Variants in FAM20B observed in about 807,000 individuals in gnomAD.
The protein encoded by FAM20B is glycosaminoglycan xylosylkinase.
FAM20B carries 23 observed loss-of-function variants against 43.8 expected under a neutral mutation model. That is an observed-to-expected ratio of 0.53 (90% CI 0.38 to 0.74). FAM20B has a LOEUF of 0.74. Ranked by LOEUF, FAM20B falls within the 30% of genes least tolerant of loss-of-function variation. The pLI is 0.00. For synonymous variants in FAM20B, 178 were observed against 192.4 expected (o/e 0.93, Z 0.62); for missense variants, 440 against 510.5 (o/e 0.86, Z 1.33).
At chr1:179,041,109 A>G (rs1280513489) in intron 1 of FAM20B, among the ~76,000 whole-genome samples, 3 of 127,416 alleles carry the variant, frequency 2.4e-5, no homozygotes, top group Non-Finnish European at 4.7e-5. Context: ...GCGGCCGGGA[A>G]GAGGCGCTCC....
intron 2 of FAM20B, among the ~76,000 whole-genome samples, chr1:179,047,562 T>C (rs1650827626): frequency 6.6e-6 from 1 of 152,230 alleles, no homozygotes; most frequent in African/African-American, 2.4e-5. Context: ...GGGCACTCTC[T>C]TCTCCAACTC....
chr1:179,045,622 GGGCTGGGCGTGAT>G (rs1650732042), intron 2 of FAM20B, among the ~76,000 whole-genome samples: 1 of 152,152 alleles, frequency 6.6e-6, no homozygotes, highest in Non-Finnish European at 1.5e-5. Context: ...AATTTGACTG[GGGCTGGGCGTGAT>G]GGCTCATGCC....
At chr1:179,034,764 C>A (rs1054342829) in intron 1 of FAM20B, among the ~76,000 whole-genome samples, 2 of 152,128 alleles carry the variant, frequency 1.3e-5, no homozygotes, top group African/African-American at 2.4e-5. Context: ...GAAATCCTAC[C>A]CCTTTGCCTC....
chr1:179,020,985 C>T (rs1333025426), upstream of FAM20B, among the ~76,000 whole-genome samples: 4 of 152,186 alleles, frequency 2.6e-5, no homozygotes, highest in South Asian at 2.1e-4. Context: ...GCAGGAGAAT[C>T]GCTTGAACTC....
intron 1 of FAM20B, among the ~76,000 whole-genome samples, chr1:179,037,221 A>C (rs769965003): frequency 6.6e-6 from 1 of 152,192 alleles, no homozygotes; most frequent in East Asian, 1.9e-4. Context: ...TCTGTGGTCC[A>C]AAAGAAGGTG....
At chr1:179,017,691 G>A in the FAM20B span, among the ~76,000 whole-genome samples, 4 of 152,176 alleles carry the variant, frequency 2.6e-5, no homozygotes, top group Non-Finnish European at 5.9e-5. Flanking sequence ...GTGGGCTAGA[G>A]TCAGATAGGG....
intron 7 of FAM20B, among the ~76,000 whole-genome samples, chr1:179,070,991 G>A (rs942374054): frequency 2.6e-5 from 4 of 151,640 alleles, no homozygotes; most frequent in Non-Finnish European, 5.9e-5. Flanking sequence ...AGGCAGATAG[G>A]TATCCTTAAA....
rs1652053156 is a variant in FAM20B, at chr1:179,074,343, T to G, written c.*2199T>G. ...ACAGCTCAGTATGAGAATACCTTGG[T>G]TAGTGCTCACCCACAAGCTTCCAGG... is the stretch of plus-strand genomic sequence containing the variant. On this transcript the variant is annotated 3_prime_UTR_variant, in exon 8 of 8. Coordinates refer to ENST00000263733, the MANE Select transcript of FAM20B (RefSeq NM_014864.4). 1 of 152,646 alleles carries G rather than the reference T, an allele frequency of 6.6e-6. No homozygotes were observed. The highest frequency in any genetic ancestry group is 1.5e-5 in the Non-Finnish European group (1 of 68,040). The allele number at this position is 152,646 out of a possible 1,614,324, so 9.5% of individuals were successfully genotyped here.
the FAM20B span, among the ~76,000 whole-genome samples, chr1:179,018,139 A>T: frequency 6.9e-3 from 1,044 of 152,184 alleles, 12 homozygotes; most frequent in African/African-American, 0.024. Context: ...TATCTGTGAC[A>T]AGTTCCCTCT....
chr1:179,070,453 A>G (rs1254685019), intron 7 of FAM20B, among the ~76,000 whole-genome samples: 1 of 151,034 alleles, frequency 6.6e-6, no homozygotes, highest in Non-Finnish European at 1.5e-5. Context: ...TTGCTGTGTC[A>G]TCATGTCACA....
chr1:179,036,706 TG>T (rs1373312906), intron 1 of FAM20B, among the ~76,000 whole-genome samples: 2 of 151,928 alleles, frequency 1.3e-5, no homozygotes, highest in African/African-American at 4.8e-5. Context: ...TATAAAGGAG[TG>T]AAGGGGATCA....
intron 2 of FAM20B, among the ~76,000 whole-genome samples, chr1:179,046,197 C>T (rs1415956190): frequency 6.6e-6 from 1 of 152,156 alleles, no homozygotes; most frequent in Non-Finnish European, 1.5e-5. Context: ...ACATGGAATT[C>T]TCTAAGTTTG....
intron 1 of FAM20B, among the ~76,000 whole-genome samples, chr1:179,031,309 A>G (rs57215421): frequency 0.17 from 26,267 of 152,216 alleles, 3,351 homozygotes; most frequent in African/African-American, 0.36. Flanking sequence ...ATTTAAAGGA[A>G]AATGCAAATT....
intron 2 of FAM20B, 149 bp downstream of exon 2, chr1:179,044,373 T>C: frequency 1.2e-6 from 1 of 840,094 alleles, no homozygotes; most frequent in Non-Finnish European, 1.8e-6. Context: ...TTTCTAGCAC[T>C]TAACATGAAT....
intron 7 of FAM20B, among the ~76,000 whole-genome samples, chr1:179,068,761 A>G (rs776751328): frequency 1.1e-4 from 16 of 152,176 alleles, no homozygotes; most frequent in Non-Finnish European, 1.9e-4. Flanking sequence ...AAATTCCAAT[A>G]ACAGGAGTGA....
intron 1 of FAM20B, among the ~76,000 whole-genome samples, chr1:179,041,542 G>A (rs1382882348): frequency 6.7e-6 from 1 of 149,220 alleles, no homozygotes; most frequent in Non-Finnish European, 1.5e-5. Flanking sequence ...AGGAGAATCA[G>A]GCAGGGAGGT....
At chr1:179,023,249 A>AT (rs1160405421), upstream of FAM20B, among the ~76,000 whole-genome samples, 1 of 152,178 alleles carries the variant, frequency 6.6e-6, no homozygotes, top group African/African-American at 2.4e-5. Context: ...GGACAGCCAA[A>AT]TTCCTGCTCT....
intron 1 of FAM20B, among the ~76,000 whole-genome samples, chr1:179,033,979 A>G (rs997671089): frequency 3.3e-5 from 5 of 152,178 alleles, no homozygotes; most frequent in African/African-American, 1.2e-4. Context: ...GGTGTGAGCC[A>G]CTGCGCCCAG....
upstream of FAM20B, among the ~76,000 whole-genome samples, chr1:179,024,384 T>G (rs924892861): frequency 2.0e-5 from 3 of 152,216 alleles, no homozygotes; most frequent in Non-Finnish European, 4.4e-5. Context: ...AGGAGAATCC[T>G]TTTGGATAAA....
Sources: gnomAD v4.1 joint callset for allele counts (sites outside exome capture counted in the v4.1 genomes callset) on GRCh38, gnomAD v4.1.1 for gene constraint, MANE v1.5 for transcripts, NCBI Gene and HGNC (gene_info 2026-07-23, HGNC 2026-07-21) for gene names.